PDE2A: variants seen among roughly 807,000 people sequenced by gnomAD.
PDE2A encodes phosphodiesterase 2A.
Under a neutral mutation model 133.6 loss-of-function variants are expected in PDE2A, and 53 were observed. The ratio of observed to expected loss-of-function variants is 0.40; its 90% CI spans 0.32 to 0.50. The LOEUF (loss-of-function observed/expected upper bound fraction) is 0.50. Ranked by LOEUF, PDE2A falls within the 20% of genes least tolerant of loss-of-function variation. The probability of loss-of-function intolerance (pLI) is 0.73; values close to 1 mark genes in which losing one functional copy is unlikely to be tolerated. For synonymous variants in PDE2A, 491 were observed against 490.2 expected (o/e 1.00, Z -0.02); for missense variants, 796 against 1,232.4 (o/e 0.65, Z 5.30).
Position 72,597,708 on chromosome 11 carries a change from G to T in PDE2A, c.324-89C>A. On this transcript the variant is annotated intron_variant, in intron 4 of 30. Transcript: ENST00000334456. This position sits in a 1 kb window ranked among gnomAD's most constrained non-coding sequence, Gnocchi z 4.6. ...GGGAACACAGGACAGTTTGGACCCTGCACATGTGCAAGGATCTGGGCAAGC... is the reference window on the plus strand; with the variant it reads ...GGGAACACAGGACAGTTTGGACCCTTCACATGTGCAAGGATCTGGGCAAGC... 1 of 828,186 alleles carries T rather than the reference G, an allele frequency of 1.2e-6. No individual in the cohort carries two copies. The highest frequency in any genetic ancestry group is 2.0e-6 in the Non-Finnish European group (1 of 507,278). The allele number at this position is 828,186 out of a possible 1,614,324, so 51.3% of individuals were successfully genotyped here. A position where few individuals can be genotyped will look rare whatever the true frequency, so the allele number is the denominator to read the frequency against.
At position 72,579,178 on chromosome 11, in the gene PDE2A, G is replaced by A. The variant is rs1855601668; in HGVS notation, c.2356+106C>T. ...GGGGGGGCCGTGCAGCCAGAGAAGG[G>A]TTGATGTTGCAGGGGATGGGTCTGC... On this transcript the variant is annotated intron_variant, in intron 27 of 30. Coordinates refer to ENST00000334456, the MANE Select transcript of PDE2A (RefSeq NM_002599.5). 3.0e-6 allele frequency: 3 copies of A among 991,276 alleles called. No individual in the cohort carries two copies. The South Asian group carries it at 4.0e-5, about 13-fold the overall frequency. 61.4% of individuals were successfully genotyped at this position (991,276 alleles called of 1,614,324 possible).
intron 2 of PDE2A, among the ~76,000 whole-genome samples, chr11:72,620,660 C>T (rs1857714488): frequency 6.6e-6 from 1 of 152,192 alleles, no homozygotes; most frequent in South Asian, 2.1e-4. Flanking sequence ...CACCCCCACC[C>T]TCCCGACCGG....
chr11:72,590,074 T>C lies in PDE2A; in HGVS notation c.757-93A>G. ...CCCTCTCCGGGGCTCTTCAGGCGGG[T>C]GGAGGAGAGAGGAAGGAAGGACATC... On this transcript the variant is annotated intron_variant, in intron 9 of 30. Coordinates refer to ENST00000334456, the MANE Select transcript of PDE2A (RefSeq NM_002599.5). This position sits in a 1 kb window ranked among gnomAD's most constrained non-coding sequence, Gnocchi z 4.8. The C allele has an allele frequency of 3.6e-6, 5 of 1,389,574 alleles. No homozygotes were observed. The highest frequency in any genetic ancestry group is 4.0e-6 in the Non-Finnish European group (4 of 1,007,036). 86.1% of individuals were successfully genotyped at this position (1,389,574 alleles called of 1,614,324 possible). A position where few individuals can be genotyped will look rare whatever the true frequency, so the allele number is the denominator to read the frequency against.
chr11:72,578,872 C>A lies in PDE2A; in HGVS notation c.2469+25G>T, dbSNP rs3741158. On this transcript the variant is annotated intron_variant, in intron 28 of 30. Transcript: ENST00000334456. This position sits in a 1 kb window ranked among gnomAD's most constrained non-coding sequence, Gnocchi z 4.2. ...AGCTGGGCAGGGTGGGCAGCCTGTG[C>A]CTTCCCAGGGAGGACTACACCTACC... The A allele has an allele frequency of 6.5e-4, 947 of 1,461,558 alleles. 6 individuals are homozygous for A. In the East Asian group the frequency reaches 0.013, roughly 21 times the overall value. 90.5% of individuals were successfully genotyped at this position (1,461,558 alleles called of 1,614,324 possible). A position where few individuals can be genotyped will look rare whatever the true frequency, so the allele number is the denominator to read the frequency against.
intron 2 of PDE2A, chr11:72,636,171 G>A: frequency 1.8e-6 from 2 of 1,118,742 alleles, no homozygotes; most frequent in Non-Finnish European, 2.3e-6. Context: ...CTACTCTCAA[G>A]GGAGCTGAAC....
At chr11:72,629,666 C>T (rs901684681) in intron 2 of PDE2A, among the ~76,000 whole-genome samples, 2 of 152,224 alleles carry the variant, frequency 1.3e-5, no homozygotes, top group African/African-American at 4.8e-5. Flanking sequence ...GTGCTGAGCC[C>T]CTCCTGTGCA....
rs1187886475 is a variant in PDE2A at position 72,583,428 on chromosome 11, C to A, written c.1728+10G>T. ...CTGGGAGGAGGACCAGAGGTCTCTG[C>A]AAGCCTCACCTTCATGTGGTACATC... On this transcript the variant is annotated intron_variant, in intron 20 of 30. Coordinates refer to ENST00000334456, the MANE Select transcript of PDE2A (RefSeq NM_002599.5). 6.3e-6 allele frequency: 10 copies of A among 1,596,558 alleles called. No individual in the cohort carries two copies. Among genetic ancestry groups the A allele is most frequent in the Non-Finnish European group, 8.6e-6 (10 of 1,164,330 alleles).
intron 1 of PDE2A, among the ~76,000 whole-genome samples, chr11:72,651,188 T>C (rs530890128): frequency 7.9e-5 from 12 of 152,308 alleles, no homozygotes; most frequent in Non-Finnish European, 1.5e-4. Context: ...CCTGGGGTCT[T>C]GAGAATGTAG....
chr11:72,595,692 T>C (rs1354872707), intron 6 of PDE2A, among the ~76,000 whole-genome samples: 1 of 152,102 alleles, frequency 6.6e-6, no homozygotes, highest in African/African-American at 2.4e-5. Flanking sequence ...AAGCCTGCCC[T>C]TTACTGGAAT....
At chr11:72,655,880 C>T (rs1253952240) in intron 1 of PDE2A, among the ~76,000 whole-genome samples, 1 of 152,190 alleles carries the variant, frequency 6.6e-6, no homozygotes, top group African/African-American at 2.4e-5. Context: ...CCCTAACCCT[C>T]GGGCCCCCCA....
chr11:72,618,715 T>C (rs1857595931), intron 2 of PDE2A, among the ~76,000 whole-genome samples: 2 of 152,130 alleles, frequency 1.3e-5, no homozygotes, highest in African/African-American at 4.8e-5. Context: ...CCTCCATTTT[T>C]CAGATGAGAG....
chr11:72,588,386 A>C (rs1222726888), intron 13 of PDE2A, among the ~76,000 whole-genome samples: 2 of 143,096 alleles, frequency 1.4e-5, no homozygotes, highest in Non-Finnish European at 3.0e-5. Context: ...AGGGGCTCAA[A>C]AGATCCACAG....
chr11:72,642,294 T>C lies in PDE2A; in HGVS notation c.104A>G (p.Glu35Gly). ...GCATGGCTGCGGCGGCGGCGGCGGC[T>C]CGTCCGGCTTGAGGAAGACCTGCTG... Reference protein sequence around the residue: ...RGQQVFLKPDEPPPPPQPCAD... With the variant: ...RGQQVFLKPDGPPPPPQPCAD... Residue 35 changes from glutamate to glycine, a missense_variant, in exon 2 of 31, where the codon GAG becomes GGG. Coordinates refer to ENST00000334456, the MANE Select transcript of PDE2A (RefSeq NM_002599.5). 2 of 1,524,380 alleles carry C rather than the reference T, an allele frequency of 1.3e-6. No individual in the cohort carries two copies. The highest frequency in any genetic ancestry group is 1.8e-6 in the Non-Finnish European group (2 of 1,138,498). The allele number at this position is 1,524,380 out of a possible 1,614,324, so 94.4% of individuals were successfully genotyped here.
intron 2 of PDE2A, among the ~76,000 whole-genome samples, chr11:72,621,046 C>T (rs1013662222): frequency 2.6e-5 from 4 of 152,104 alleles, no homozygotes; most frequent in Non-Finnish European, 1.5e-5. Context: ...CATTGGAGCA[C>T]TGCTTCATGC....
At chr11:72,630,659 G>T (rs1858329624) in intron 2 of PDE2A, among the ~76,000 whole-genome samples, 1 of 151,930 alleles carries the variant, frequency 6.6e-6, no homozygotes, top group Non-Finnish European at 1.5e-5. Flanking sequence ...CCTCCTGGTG[G>T]CCACGTGGAT....
At chr11:72,628,487 C>T (rs935018409) in intron 2 of PDE2A, among the ~76,000 whole-genome samples, 1 of 152,254 alleles carries the variant, frequency 6.6e-6, no homozygotes, top group South Asian at 2.1e-4. Flanking sequence ...CCCACCACCA[C>T]AACCGGCTAA....
intron 2 of PDE2A, among the ~76,000 whole-genome samples, chr11:72,613,121 T>C (rs1857292249): frequency 1.3e-5 from 2 of 152,184 alleles, no homozygotes; most frequent in African/African-American, 4.8e-5. Flanking sequence ...CTGTTTCATC[T>C]TCATGAGTCT....
intron 4 of PDE2A, chr11:72,599,046 T>C: frequency 1.0e-6 from 1 of 985,258 alleles, no homozygotes; most frequent in Non-Finnish European, 1.2e-6. Flanking sequence ...GGGTGACCCC[T>C]GGCCAAACCC....
chr11:72,598,460 C>T, intron 4 of PDE2A: 1 of 1,258,678 alleles, frequency 7.9e-7, no homozygotes, highest in Non-Finnish European at 1.0e-6. Flanking sequence ...ACCACACAAC[C>T]CACCTCCTCT....
Sources: allele counts gnomAD v4.1 joint callset (sites outside exome capture counted in the v4.1 genomes callset), GRCh38; gene constraint gnomAD v4.1.1; non-coding constraint Gnocchi (gnomAD v3.1); transcripts MANE v1.5; gene names NCBI Gene and HGNC (gene_info 2026-07-23, HGNC 2026-07-21).